The following USP24 variants were observed in gnomAD, a reference collection of about 807,000 sequenced individuals.
The protein encoded by USP24 is ubiquitin specific peptidase 24.
A neutral mutation model predicts 361.6 loss-of-function variants in USP24; 97 were observed. That is an observed-to-expected ratio of 0.27 (90% confidence interval 0.23 to 0.32). USP24 has a LOEUF of 0.32. Ranked by LOEUF, USP24 falls within the 10% of genes least tolerant of loss-of-function variation. USP24 has a pLI of 1.00. For missense variants in USP24, 2,353 were observed against 3,165.6 expected (o/e 0.74, Z 6.16); for synonymous variants, 1,098 against 1,124.6 (o/e 0.98, Z 0.47).
chr1:55,207,118 G>A (rs553096710), intron 1 of USP24, among the ~76,000 whole-genome samples: 4 of 152,016 alleles, frequency 2.6e-5, no homozygotes, highest in South Asian at 2.1e-4. Context: ...AAATCGCCTC[G>A]CTGCATTGCA....
chr1:55,128,030 A>G (rs1290368835), intron 32 of USP24, among the ~76,000 whole-genome samples: 1 of 152,044 alleles, frequency 6.6e-6, no homozygotes, highest in Non-Finnish European at 1.5e-5. Context: ...AATCCATACC[A>G]TCTACTTCAC....
In USP24 at chr1:55,176,419, C is replaced by A. The variant is rs1363171258; in HGVS notation, c.515G>T (p.Cys172Phe). 2 of 1,571,692 alleles carry A rather than the reference C, an allele frequency of 1.3e-6. No individual in the cohort carries two copies. The highest frequency in any genetic ancestry group is 1.3e-5 in the African/African-American group (1 of 74,300). Residue 172 changes from cysteine (C) to phenylalanine (F), a missense_variant, in exon 3 of 68, where the codon TGT (cysteine) becomes TTT (phenylalanine). Transcript: ENST00000294383. Reference sequence around the variant, plus strand: ...CATACACCTGTCCATAAACCTTCTACAATTCTCATCAGACTCGGAAAGACC... The same window carrying A: ...CATACACCTGTCCATAAACCTTCTAAAATTCTCATCAGACTCGGAAAGACC... ...RLGLSESDEN[C>F]RRFMDRCMPE...
intron 64 of USP24, among the ~76,000 whole-genome samples, chr1:55,073,619 G>T (rs1046682357): frequency 5.3e-5 from 8 of 152,122 alleles, no homozygotes; most frequent in African/African-American, 1.9e-4. Flanking sequence ...GAGCTTTTCT[G>T]GGATTCTATA....
Position 55,190,182 on chromosome 1 carries a change from A to AG in USP24, c.325-12051_325-12050insC, listed in dbSNP as rs1201674701. ...TCCATCTCAAAAAAAAAAAAAAAAAAAAAGAAAGAAAGAAAATATTATTTA... is the reference window on the plus strand; with the variant it reads ...TCCATCTCAAAAAAAAAAAAAAAAAAGAAAGAAAGAAAGAAAATATTATTTA... On this transcript the variant is annotated intron_variant, in intron 1 of 67. Coordinates refer to ENST00000294383, the MANE Select transcript of USP24 (RefSeq NM_015306.3). Among the ~76,000 whole-genome samples the AG allele has an allele frequency of 3.9e-4, 59 of 151,060 alleles. No homozygotes were observed. The East Asian group carries it at 3.9e-3, about 10-fold the overall frequency.
chr1:55,168,425 A>G (rs941193871), intron 5 of USP24, among the ~76,000 whole-genome samples: 2 of 152,168 alleles, frequency 1.3e-5, no homozygotes, highest in African/African-American at 4.8e-5. Context: ...TGACAAAAAA[A>G]AAAATTAAAA....
chr1:55,107,378 C>T lies in USP24; in HGVS notation c.4623G>A (p.Glu1541=). The T allele has an allele frequency of 6.2e-7, 1 of 1,613,696 alleles. No individual in the cohort carries two copies. The highest frequency in any genetic ancestry group is 1.1e-5 in the South Asian group (1 of 91,040). ...RISPATMLED[E]ITWLDNFEPN... Reference sequence around the variant, plus strand: ...GTTCAAAGTTATCCAGCCAAGTAATCTCATCTTCAAGCATCGTAGCTGGGC... The same window carrying T: ...GTTCAAAGTTATCCAGCCAAGTAATTTCATCTTCAAGCATCGTAGCTGGGC... The change falls in exon 40 of 68, where the codon GAG becomes GAA. Residue 1541 remains glutamate, a synonymous_variant. Transcript: ENST00000294383.
intron 31 of USP24, among the ~76,000 whole-genome samples, chr1:55,131,220 C>T (rs1414523970): frequency 2.6e-5 from 4 of 152,090 alleles, no homozygotes; most frequent in Non-Finnish European, 1.5e-5. Context: ...GGAAATACTG[C>T]ATATATTTTA....
chr1:55,079,986 G>A (rs890781072), intron 59 of USP24, among the ~76,000 whole-genome samples: 3 of 151,998 alleles, frequency 2.0e-5, no homozygotes. Flanking sequence ...AGTCTAGGGG[G>A]GATACCTAGT....
chr1:55,136,299 T>C (rs796911390), intron 28 of USP24, among the ~76,000 whole-genome samples: 16 of 152,102 alleles, frequency 1.1e-4, no homozygotes, highest in African/African-American at 3.9e-4. Context: ...TGGAGGCCAG[T>C]GAGGCTGGAG....
chr1:55,140,697 C>T (rs561690266), intron 24 of USP24, among the ~76,000 whole-genome samples: 1 of 152,302 alleles, frequency 6.6e-6, no homozygotes, highest in Non-Finnish European at 1.5e-5. Flanking sequence ...TAGAGAAAGA[C>T]TCTATGAGTA....
At chr1:55,127,570 T>C (rs1646470317) in intron 32 of USP24, among the ~76,000 whole-genome samples, 1 of 152,174 alleles carries the variant, frequency 6.6e-6, no homozygotes, top group Admixed American at 6.5e-5. Context: ...TATAGTCCTT[T>C]GGGTATATAC....
intron 38 of USP24, among the ~76,000 whole-genome samples, chr1:55,112,965 A>G (rs1433298981): frequency 1.3e-5 from 2 of 152,152 alleles, no homozygotes; most frequent in African/African-American, 4.8e-5. Flanking sequence ...TGGTGCATAT[A>G]TATTTAGGAT....
At position 55,089,156 on chromosome 1, in the gene USP24, G is replaced by A. The variant is rs150598239; in HGVS notation, c.6668+471C>T. Among the ~76,000 whole-genome samples, 728 of 152,162 alleles carry A rather than the reference G, an allele frequency of 4.8e-3. 4 individuals are homozygous for A. The highest frequency in any genetic ancestry group is 0.015 in the African/African-American group (640 of 41,512). On this transcript the variant is annotated intron_variant, in intron 55 of 67. Transcript: ENST00000294383. ...CTCTTGACCTCATGGTCTGCCCGCC[G>A]TGGCCTCCCAAAGTGCAGGGATTAC...
chr1:55,154,410 T>A lies in USP24; in HGVS notation c.1611A>T (p.Arg537=), dbSNP rs371089730. 4.6e-5 allele frequency: 71 copies of A among 1,551,412 alleles called. No homozygotes were observed. The highest frequency in any genetic ancestry group is 5.8e-5 in the Non-Finnish European group (66 of 1,146,862). The change falls in exon 14 of 68, where the codon CGA becomes CGT. Residue 537 remains arginine, a synonymous_variant. Coordinates refer to ENST00000294383, the MANE Select transcript of USP24 (RefSeq NM_015306.3). The part of the protein sequence containing the change: ...VRQKLLSLIG[R]IGREARFETT... ...TCTCAAAGCGAGCTTCCCGGCCTATTCGTCCAATCAGGCTCAAAAGCTTCT... is the reference window on the plus strand; with the variant it reads ...TCTCAAAGCGAGCTTCCCGGCCTATACGTCCAATCAGGCTCAAAAGCTTCT...
At chr1:55,175,375 C>T (rs1269266255) in intron 3 of USP24, among the ~76,000 whole-genome samples, 2 of 151,756 alleles carry the variant, frequency 1.3e-5, no homozygotes, top group Admixed American at 6.6e-5. Flanking sequence ...TATAGGTGCC[C>T]ACCACCAGGC....
rs562086479 is a variant in USP24, at chr1:55,089,767, G to A, written c.6555-27C>T. On this transcript the variant is annotated intron_variant, in intron 54 of 67. Coordinates refer to ENST00000294383, the MANE Select transcript of USP24 (RefSeq NM_015306.3). ...TTTAAAAAAAAGCAGATACAGCAAT[G>A]TTAGGAGCATAAGCCCAGCCAATGA... 4.9e-5 allele frequency: 75 copies of A among 1,521,016 alleles called. No individual in the cohort carries two copies. In the East Asian group the frequency reaches 1.5e-3, roughly 31 times the overall value. 94.2% of individuals were successfully genotyped at this position (1,521,016 alleles called of 1,614,324 possible).
chr1:55,138,816 TAAGAA>T, intron 25 of USP24, 98 bp from the exon 26 acceptor site: 1 of 1,326,330 alleles, frequency 7.5e-7, no homozygotes, highest in South Asian at 1.3e-5. Context: ...GATGCTTTTT[TAAGAA>T]AAGAGAGGCT....
intron 7 of USP24, 101 bp downstream of exon 7, chr1:55,165,784 T>G (rs1209729731): frequency 3.2e-6 from 3 of 946,794 alleles, no homozygotes; most frequent in Non-Finnish European, 4.4e-6. Context: ...GAACCTTTAA[T>G]TTAACATTTA....
At position 55,067,232 on chromosome 1, in the gene USP24, T is replaced by C. The variant is rs1306426976; in HGVS notation, c.*1813A>G. 6.6e-6 allele frequency: 1 copy of C among 151,872 alleles called. No individual in the cohort carries two copies. Among genetic ancestry groups the C allele is most frequent in the African/African-American group, 2.4e-5 (1 of 41,314 alleles). 9.4% of individuals were successfully genotyped at this position (151,872 alleles called of 1,614,324 possible). On this transcript the variant is annotated 3_prime_UTR_variant, in exon 68 of 68. Coordinates refer to ENST00000294383, the MANE Select transcript of USP24 (RefSeq NM_015306.3). ...GATCATCGCCAGCATTTCAAGGTCA[T>C]GTCCCACACAATCTCTTGGTGAGGA...
Sources: gnomAD v4.1 joint callset for allele counts (sites outside exome capture counted in the v4.1 genomes callset) on GRCh38, gnomAD v4.1.1 for gene constraint, MANE v1.5 for transcripts, NCBI Gene and HGNC (gene_info 2026-07-23, HGNC 2026-07-21) for gene names.